The following PDE11A variants were observed in gnomAD, a reference collection of about 807,000 sequenced individuals.
PDE11A encodes dual 3',5'-cyclic-AMP and -GMP phosphodiesterase 11A.
Under a neutral mutation model 100.5 loss-of-function variants are expected in PDE11A, and 100 were observed. That is an observed-to-expected ratio of 1.00 (90% CI 0.85 to 1.18). The LOEUF (loss-of-function observed/expected upper bound fraction) is 1.18, where lower values mean the gene tolerates loss of function less well. PDE11A is among the 50% of genes most tolerant of loss of function. The pLI is 0.00. For synonymous variants in PDE11A, 381 were observed against 420.8 expected, an observed-to-expected ratio of 0.91 and a Z score of 1.16; for missense variants, 1,141 against 1,152.6, an observed-to-expected ratio of 0.99 and a Z score of 0.15.
intron 5 of PDE11A, among the ~76,000 whole-genome samples, chr2:177,862,936 T>C (rs2083967758): frequency 6.6e-6 from 1 of 151,894 alleles, no homozygotes; most frequent in African/African-American, 2.4e-5. Context: ...CAAATTATAT[T>C]ACAAAGCTAT....
At chr2:177,954,011 T>A (rs777581961) in intron 2 of PDE11A, among the ~76,000 whole-genome samples, 1 of 151,984 alleles carries the variant, frequency 6.6e-6, no homozygotes, top group Non-Finnish European at 1.5e-5. Flanking sequence ...ATGGAAACTT[T>A]ATCATGGGAT....
intron 15 of PDE11A, among the ~76,000 whole-genome samples, chr2:177,682,511 C>A (rs78758513): frequency 0.011 from 1,616 of 152,184 alleles, 31 homozygotes; most frequent in African/African-American, 0.037. Context: ...TGCGTAGATA[C>A]GGAAAAGACA....
At chr2:178,057,168 T>C (rs1176253346) in intron 1 of PDE11A, among the ~76,000 whole-genome samples, 2 of 152,210 alleles carry the variant, frequency 1.3e-5, no homozygotes, top group African/African-American at 4.8e-5. Flanking sequence ...TCTTTGGAAA[T>C]GTCATTTAGC....
chr2:178,075,538 TGA>T (rs1439327549), upstream of PDE11A, among the ~76,000 whole-genome samples: 1 of 112,288 alleles, frequency 8.9e-6, no homozygotes, highest in African/African-American at 3.6e-5. Flanking sequence ...GGCAACAGAG[TGA>T]GACTCTGTCT....
chr2:177,712,373 G>A (rs2081370382), intron 12 of PDE11A, among the ~76,000 whole-genome samples: 1 of 147,456 alleles, frequency 6.8e-6, no homozygotes, highest in Admixed American at 6.8e-5. Context: ...ATTAAAAGGA[G>A]ACACTTTAAC....
At chr2:177,841,620 C>T (rs1206095511) in intron 5 of PDE11A, among the ~76,000 whole-genome samples, 1 of 152,182 alleles carries the variant, frequency 6.6e-6, no homozygotes, top group Non-Finnish European at 1.5e-5. Flanking sequence ...GACACATAGA[C>T]ATTATTTAAC....
intron 1 of PDE11A, among the ~76,000 whole-genome samples, chr2:178,069,644 T>G (rs1432289995): frequency 6.6e-6 from 1 of 152,110 alleles, no homozygotes; most frequent in Non-Finnish European, 1.5e-5. Flanking sequence ...AAAGGCAACT[T>G]TGCTTTACAC....
chr2:178,057,015 G>A lies in PDE11A; in HGVS notation c.912+14511C>T, dbSNP rs114148377. Among the ~76,000 whole-genome samples, 998 of 152,246 alleles carry A rather than the reference G, an allele frequency of 6.6e-3. 13 individuals are homozygous for A. The highest frequency in any genetic ancestry group is 0.023 in the African/African-American group (948 of 41,544). On this transcript the variant is annotated intron_variant, in intron 1 of 19. Transcript: ENST00000286063. ...ATTAAGAGGACAAGACAAATAAATG[G>A]AAAGAGGAGAGGAAACACAGAAAGA...
intron 6 of PDE11A, among the ~76,000 whole-genome samples, chr2:177,835,861 C>T (rs1390642532): frequency 6.6e-6 from 1 of 152,222 alleles, no homozygotes; most frequent in African/African-American, 2.4e-5. Context: ...GCAGTGCCGG[C>T]CCACTGGCGC....
At chr2:177,804,649 A>G (rs1016756861) in intron 9 of PDE11A, among the ~76,000 whole-genome samples, 4 of 152,010 alleles carry the variant, frequency 2.6e-5, no homozygotes. Flanking sequence ...ACTATTCATA[A>G]TATCAAAGAT....
chr2:177,904,233 T>C (rs530316943), intron 3 of PDE11A, among the ~76,000 whole-genome samples: 1 of 152,344 alleles, frequency 6.6e-6, no homozygotes, highest in East Asian at 1.9e-4. Flanking sequence ...TTTTGCAACT[T>C]AGATCTATAG....
At chr2:178,099,897 T>TA (rs1458475258) in intron 2 of PDE11A, among the ~76,000 whole-genome samples, 2 of 152,192 alleles carry the variant, frequency 1.3e-5, no homozygotes, top group East Asian at 3.8e-4. Flanking sequence ...AACAAAATGC[T>TA]ATCTACATAT....
intron 17 of PDE11A, among the ~76,000 whole-genome samples, chr2:177,670,177 C>A (rs188390229): frequency 6.6e-6 from 1 of 152,118 alleles, no homozygotes; most frequent in Non-Finnish European, 1.5e-5. Context: ...CAGTAGGTCA[C>A]GGTATAGTTT....
chr2:177,669,345 C>T, intron 18 of PDE11A, 148 bp downstream of exon 18: 1 of 608,966 alleles, frequency 1.6e-6, no homozygotes, highest in East Asian at 2.8e-5. Flanking sequence ...GAGTGTTTAG[C>T]ATTTGAGTTT....
chr2:177,998,128 T>G, intron 2 of PDE11A: 1 of 1,198,880 alleles, frequency 8.3e-7, no homozygotes, highest in Non-Finnish European at 1.2e-6. Context: ...AGCCACCAAC[T>G]TTACAAGTTG....
At chr2:177,671,159 C>T (rs921119482) in intron 17 of PDE11A, among the ~76,000 whole-genome samples, 1 of 152,234 alleles carries the variant, frequency 6.6e-6, no homozygotes, top group Non-Finnish European at 1.5e-5. Context: ...GCACATCAGG[C>T]GCCTCAAGGT....
chr2:177,877,818 T>C (rs1023863959), intron 4 of PDE11A, among the ~76,000 whole-genome samples: 3 of 152,098 alleles, frequency 2.0e-5, no homozygotes, highest in Non-Finnish European at 2.9e-5. Flanking sequence ...TACCACATGA[T>C]AGAAAAACAA....
chr2:177,904,761 C>T (rs1018561057), intron 3 of PDE11A, among the ~76,000 whole-genome samples: 4 of 152,108 alleles, frequency 2.6e-5, no homozygotes, highest in Middle Eastern at 3.4e-3. Flanking sequence ...ACCATGTTGG[C>T]CAGGCTGGTC....
intron 18 of PDE11A, among the ~76,000 whole-genome samples, chr2:177,669,045 T>G (rs759365636): frequency 6.6e-6 from 1 of 152,330 alleles, no homozygotes; most frequent in East Asian, 1.9e-4. Flanking sequence ...TGAAACTTTT[T>G]CATTTTACAG....
Sources: gnomAD v4.1 joint callset for allele counts (sites outside exome capture counted in the v4.1 genomes callset) on GRCh38, gnomAD v4.1.1 for gene constraint, MANE v1.5 for transcripts, NCBI Gene and HGNC (gene_info 2026-07-23, HGNC 2026-07-21) for gene names.